The following KHDRBS2 variants were observed in gnomAD, a reference collection of about 807,000 sequenced individuals.
KHDRBS2 encodes KH RNA binding domain containing, signal transduction associated 2, also known as KH domain-containing, RNA-binding, signal transduction-associated protein 2.
In KHDRBS2, 26 loss-of-function variants were observed where a neutral mutation model predicts 44.3. The observed-to-expected ratio is 0.59, with a 90% CI of 0.43 to 0.81. KHDRBS2 has a LOEUF of 0.81. Among genes scored for constraint, KHDRBS2 ranks in the 40% least tolerant of loss-of-function variants. The probability of loss-of-function intolerance (pLI) is 0.00; values close to 1 mark genes in which losing one functional copy is unlikely to be tolerated. For missense variants in KHDRBS2, 476 were observed against 433.1 expected, an observed-to-expected ratio of 1.10 and a Z score of -0.88; for synonymous variants, 194 against 151.1, an observed-to-expected ratio of 1.28 and a Z score of -2.08.
intron 6 of KHDRBS2, among the ~76,000 whole-genome samples, chr6:61,827,895 A>C (rs978460355): frequency 6.6e-6 from 1 of 152,120 alleles, no homozygotes; most frequent in African/African-American, 2.4e-5. Flanking sequence ...AAATACCATC[A>C]CATTGGAGGA....
At chr6:62,056,484 G>A (rs1790316225) in intron 2 of KHDRBS2, among the ~76,000 whole-genome samples, 1 of 151,904 alleles carries the variant, frequency 6.6e-6, no homozygotes, top group Non-Finnish European at 1.5e-5. Flanking sequence ...ATCAAAGAAA[G>A]ACATAAGGTA....
the KHDRBS2 span, among the ~76,000 whole-genome samples, chr6:61,654,695 A>G: frequency 6.6e-6 from 1 of 151,108 alleles, no homozygotes; most frequent in African/African-American, 2.4e-5. Context: ...GAGTTGCTCA[A>G]CTCAGAAATT....
chr6:61,732,361 G>T (rs1774615143), intron 7 of KHDRBS2, among the ~76,000 whole-genome samples: 1 of 150,912 alleles, frequency 6.6e-6, no homozygotes, highest in African/African-American at 2.4e-5. Flanking sequence ...AAGCTACATT[G>T]AACAAGTGCC....
intron 4 of KHDRBS2, among the ~76,000 whole-genome samples, chr6:61,921,208 A>G (rs1808001623): frequency 6.6e-6 from 1 of 152,028 alleles, no homozygotes; most frequent in Non-Finnish European, 1.5e-5. Flanking sequence ...AGTCAAAGAT[A>G]CAGGACATGT....
At chr6:61,830,506 A>C (rs572187057) in intron 6 of KHDRBS2, among the ~76,000 whole-genome samples, 37 of 152,346 alleles carry the variant, frequency 2.4e-4, no homozygotes, top group Middle Eastern at 3.4e-3. Flanking sequence ...AGAGAGATGA[A>C]TGTTGAATAT....
intron 2 of KHDRBS2, among the ~76,000 whole-genome samples, chr6:62,100,161 G>A (rs1801535354): frequency 6.6e-6 from 1 of 152,122 alleles, no homozygotes; most frequent in Non-Finnish European, 1.5e-5. Flanking sequence ...TGACTTCAGT[G>A]GAGGATGTAA....
At chr6:61,584,046 A>G in the KHDRBS2 span, among the ~76,000 whole-genome samples, 1 of 151,662 alleles carries the variant, frequency 6.6e-6, no homozygotes, top group East Asian at 1.9e-4. Context: ...ACTGATATTT[A>G]TATTCTTTGT....
At chr6:61,634,409 A>G in the KHDRBS2 span, among the ~76,000 whole-genome samples, 14 of 152,080 alleles carry the variant, frequency 9.2e-5, no homozygotes, top group Non-Finnish European at 1.9e-4. Flanking sequence ...ACTCACTAAA[A>G]GCATTCTTAC....
chr6:61,772,638 A>T (rs1171406584), intron 6 of KHDRBS2, among the ~76,000 whole-genome samples: 4 of 151,376 alleles, frequency 2.6e-5, no homozygotes, highest in African/African-American at 4.8e-5. Flanking sequence ...CTTTTATTTT[A>T]TTTTATTTTA....
chr6:61,552,153 A>G, the KHDRBS2 span, among the ~76,000 whole-genome samples: 1 of 152,066 alleles, frequency 6.6e-6, no homozygotes, highest in Non-Finnish European at 1.5e-5. Context: ...TGAGCATGGC[A>G]TATTTTTCTA....
intron 3 of KHDRBS2, among the ~76,000 whole-genome samples, chr6:62,022,034 A>G (rs950333577): frequency 1.3e-5 from 2 of 149,786 alleles, no homozygotes; most frequent in African/African-American, 2.4e-5. Flanking sequence ...CAAACACTAT[A>G]TATATATATA....
At chr6:62,091,668 T>A (rs988044343) in intron 2 of KHDRBS2, among the ~76,000 whole-genome samples, 29 of 152,064 alleles carry the variant, frequency 1.9e-4, no homozygotes, top group Admixed American at 9.2e-4. Flanking sequence ...AATTTTCACT[T>A]TGAAAAAGTA....
At chr6:61,550,796 T>C in the KHDRBS2 span, among the ~76,000 whole-genome samples, 1 of 137,620 alleles carries the variant, frequency 7.3e-6, no homozygotes. Context: ...GTTTTTGAGA[T>C]GGAGTTTTGC....
At chr6:62,072,822 C>A (rs1053252847) in intron 2 of KHDRBS2, among the ~76,000 whole-genome samples, 9 of 152,064 alleles carry the variant, frequency 5.9e-5, no homozygotes, top group Non-Finnish European at 1.3e-4. Flanking sequence ...TATGTCTCTG[C>A]CAGGCTTTGG....
chr6:61,638,826 C>T, the KHDRBS2 span, among the ~76,000 whole-genome samples: 9 of 152,184 alleles, frequency 5.9e-5, no homozygotes, highest in South Asian at 1.9e-3. Context: ...TTGAGGTTTG[C>T]AGAGCTAATG....
intron 4 of KHDRBS2, among the ~76,000 whole-genome samples, chr6:61,913,708 G>A (rs1313316137): frequency 6.6e-6 from 1 of 151,944 alleles, no homozygotes; most frequent in Admixed American, 6.6e-5. Context: ...TGAGAGACTG[G>A]GGAGGCTGGT....
chr6:61,668,926 G>C, the KHDRBS2 span, among the ~76,000 whole-genome samples: 1 of 150,998 alleles, frequency 6.6e-6, no homozygotes, highest in East Asian at 2.0e-4. Flanking sequence ...ACAGGATGCT[G>C]TTAGTAAACA....
chr6:61,660,820 T>C, the KHDRBS2 span, among the ~76,000 whole-genome samples: 5 of 151,804 alleles, frequency 3.3e-5, no homozygotes, highest in Admixed American at 6.6e-5. Flanking sequence ...ATGAGTACAG[T>C]CATACTTTAG....
chr6:61,822,337 C>T (rs1454277377), intron 6 of KHDRBS2, among the ~76,000 whole-genome samples: 1 of 151,882 alleles, frequency 6.6e-6, no homozygotes, highest in Non-Finnish European at 1.5e-5. Context: ...ACACTCTAAC[C>T]TCCTCCCTTT....
Sources: gnomAD v4.1 joint callset for allele counts (sites outside exome capture counted in the v4.1 genomes callset) on GRCh38, gnomAD v4.1.1 for gene constraint, MANE v1.5 for transcripts, NCBI Gene and HGNC (gene_info 2026-07-23, HGNC 2026-07-21) for gene names.